The following SHROOM4 variants were observed in gnomAD, a reference collection of about 807,000 sequenced individuals.
SHROOM4 encodes protein Shroom4.
A neutral mutation model predicts 80.3 loss-of-function variants in SHROOM4; 17 were observed. The ratio of observed to expected loss-of-function variants is 0.21; its 90% CI spans 0.14 to 0.32. The LOEUF (loss-of-function observed/expected upper bound fraction) is 0.32, where lower values mean the gene tolerates loss of function less well. SHROOM4 is among the 10% of genes least tolerant of loss of function. The pLI, the probability that SHROOM4 is intolerant of heterozygous loss-of-function variation, is 1.00. For missense variants in SHROOM4, 993 were observed against 1,140.3 expected (o/e 0.87, Z 1.86); for synonymous variants, 400 against 437.5 (o/e 0.91, Z 1.07).
intron 2 of SHROOM4, among the ~76,000 whole-genome samples, chrX:50,648,988 A>G (rs1602402726): frequency 8.9e-6 from 1 of 111,985 alleles, no homozygotes; most frequent in Admixed American, 9.5e-5. Flanking sequence ...CTGGAAGCAT[A>G]GAGAAGTGAG....
At chrX:50,704,856 C>G (rs1933617239) in intron 1 of SHROOM4, among the ~76,000 whole-genome samples, 1 of 111,322 alleles carries the variant, frequency 9.0e-6, no homozygotes, top group East Asian at 2.8e-4. Context: ...CCTGCCCAGG[C>G]CCCCTTTCCT....
intron 1 of SHROOM4, among the ~76,000 whole-genome samples, chrX:50,775,730 C>T (rs782127432): frequency 1.1e-4 from 12 of 111,890 alleles, no homozygotes; most frequent in Non-Finnish European, 1.9e-4. Context: ...CAACATCTGA[C>T]TTGGGTGACA....
At chrX:50,653,914 G>A (rs782121476) in intron 2 of SHROOM4, among the ~76,000 whole-genome samples, 34 of 111,965 alleles carry the variant, frequency 3.0e-4, no homozygotes, top group African/African-American at 1.0e-3. Flanking sequence ...GGATGAAGCC[G>A]ACTTGATCGT....
At chrX:50,695,723 G>T (rs1226337002) in intron 2 of SHROOM4, 63 bp downstream of exon 2, 50 of 1,124,056 alleles carry the variant, frequency 4.4e-5, no homozygotes, top group Non-Finnish European at 5.5e-5. Context: ...ACTCTATTGA[G>T]CTTTATTACC....
chrX:50,634,086 T>C lies in SHROOM4; in HGVS notation c.1987A>G (p.Arg663Gly). The change falls in exon 4 of 9, where the codon AGG (arginine) becomes GGG (glycine). Residue 663 changes from arginine to glycine, a missense_variant. Coordinates refer to ENST00000376020, the MANE Select transcript of SHROOM4 (RefSeq NM_020717.5). ...LFNKSMMLRA[R>G]SSECLSQAPE... Reference sequence around the variant, plus strand: ...GCTTGGCTGAGGCACTCGGAAGACCTAGCTCTGAGCATCATGCTTTTGTTG... The same window carrying C: ...GCTTGGCTGAGGCACTCGGAAGACCCAGCTCTGAGCATCATGCTTTTGTTG... 3 of 1,211,865 alleles carry C rather than the reference T, an allele frequency of 2.5e-6. No homozygotes were observed. The highest frequency in any genetic ancestry group is 3.3e-6 in the Non-Finnish European group (3 of 895,529).
chrX:50,611,809 A>G (rs1930006487), intron 5 of SHROOM4, among the ~76,000 whole-genome samples: 3 of 110,499 alleles, frequency 2.7e-5, no homozygotes. Flanking sequence ...AATCCCAGCT[A>G]CTCGGGAGGC....
At chrX:50,664,281 A>G (rs1166183295) in intron 2 of SHROOM4, among the ~76,000 whole-genome samples, 7 of 112,120 alleles carry the variant, frequency 6.2e-5, no homozygotes, top group Non-Finnish European at 1.1e-4. Flanking sequence ...TCCACAACAC[A>G]GATTTTTTCT....
chrX:50,801,291 A>AGAGAGAGAGAGAGAGAGAGAGAGAGAGAG (rs782711842), intron 1 of SHROOM4, among the ~76,000 whole-genome samples: 3 of 103,514 alleles, frequency 2.9e-5, no homozygotes, highest in African/African-American at 7.1e-5. Flanking sequence ...AGAGAGAGAG[A>AGAGAGAGAGAGAGAGAGAGAGAGAGAGAG]ACACGTACTG....
intron 1 of SHROOM4, among the ~76,000 whole-genome samples, chrX:50,725,712 C>A (rs1934228669): frequency 8.9e-6 from 1 of 112,571 alleles, no homozygotes; most frequent in Non-Finnish European, 1.9e-5. Flanking sequence ...CTGAGGCCTA[C>A]CCAGCCATGT....
chrX:50,794,332 T>C (rs1040749510), intron 1 of SHROOM4, among the ~76,000 whole-genome samples: 11 of 111,075 alleles, frequency 9.9e-5, no homozygotes, highest in African/African-American at 3.3e-4. Context: ...CCCGCTGAAT[T>C]AGCCTGTCTG....
intron 2 of SHROOM4, among the ~76,000 whole-genome samples, chrX:50,695,476 T>A (rs1351178611): frequency 1.4e-4 from 16 of 111,935 alleles, no homozygotes; most frequent in Non-Finnish European, 3.8e-5. Flanking sequence ...AGAAGGAGAT[T>A]GAAAAACACT....
chrX:50,740,907 T>A (rs1934639613), intron 1 of SHROOM4, among the ~76,000 whole-genome samples: 2 of 111,853 alleles, frequency 1.8e-5, no homozygotes, highest in African/African-American at 6.5e-5. Flanking sequence ...TTTCCCCCTA[T>A]ATTTTATGGT....
At chrX:50,787,081 G>C (rs782723580) in intron 1 of SHROOM4, among the ~76,000 whole-genome samples, 1 of 109,550 alleles carries the variant, frequency 9.1e-6, no homozygotes, top group African/African-American at 3.3e-5. Context: ...TTAGCCTTGC[G>C]TGGTGGCACT....
At chrX:50,791,631 C>G (rs1044624212) in intron 1 of SHROOM4, among the ~76,000 whole-genome samples, 1 of 78,323 alleles carries the variant, frequency 1.3e-5, no homozygotes, top group Non-Finnish European at 2.2e-5. Context: ...ACTATGTTGT[C>G]CAGGCTGGTC....
intron 2 of SHROOM4, among the ~76,000 whole-genome samples, chrX:50,660,804 A>T (rs781844111): frequency 9.2e-6 from 1 of 108,578 alleles, no homozygotes; most frequent in Non-Finnish European, 1.9e-5. Context: ...TTTTGTCAAG[A>T]CAGGGTCTCA....
chrX:50,601,091 G>C (rs1557247578), intron 7 of SHROOM4, among the ~76,000 whole-genome samples: 2 of 112,251 alleles, frequency 1.8e-5, no homozygotes, highest in Non-Finnish European at 3.8e-5. Flanking sequence ...GTGATGGATA[G>C]AGTTGTGGAG....
intron 2 of SHROOM4, among the ~76,000 whole-genome samples, chrX:50,644,162 C>T (rs1252302003): frequency 2.7e-5 from 3 of 112,174 alleles, no homozygotes; most frequent in Non-Finnish European, 5.6e-5. Flanking sequence ...ACTTCCTGTG[C>T]GGACTTGAGC....
At chrX:50,795,061 TGATATA>T (rs1935942511) in intron 1 of SHROOM4, among the ~76,000 whole-genome samples, 1 of 54,661 alleles carries the variant, frequency 1.8e-5, no homozygotes, top group African/African-American at 7.4e-5. Context: ...GATATATATA[TGATATA>T]TATATATGAT....
intron 1 of SHROOM4, among the ~76,000 whole-genome samples, chrX:50,787,602 AC>A (rs1196836984): frequency 9.0e-6 from 1 of 111,541 alleles, no homozygotes; most frequent in Non-Finnish European, 1.9e-5. Flanking sequence ...AGAAATCCAT[AC>A]TAAGACACAT....
Sources: allele counts gnomAD v4.1 joint callset (sites outside exome capture counted in the v4.1 genomes callset), GRCh38; gene constraint gnomAD v4.1.1; transcripts MANE v1.5; gene names NCBI Gene and HGNC (gene_info 2026-07-23, HGNC 2026-07-21).